The following SUMF1 variants were observed in gnomAD, a reference collection of about 807,000 sequenced individuals.
SUMF1 encodes sulfatase modifying factor 1.
A neutral mutation model predicts 47.6 loss-of-function variants in SUMF1; 48 were observed. That is an observed-to-expected ratio of 1.01 (90% confidence interval 0.80 to 1.28). The LOEUF (loss-of-function observed/expected upper bound fraction) is 1.28. Among genes scored for constraint, SUMF1 ranks in the 50% most tolerant of loss-of-function variants. The probability of loss-of-function intolerance (pLI) is 0.00; values close to 1 mark genes in which losing one functional copy is unlikely to be tolerated. For synonymous variants in SUMF1, 230 were observed against 192.1 expected, an observed-to-expected ratio of 1.20 and a Z score of -1.63; for missense variants, 571 against 485.4, an observed-to-expected ratio of 1.18 and a Z score of -1.66.
At chr3:4,404,713 G>T (rs548264894) in intron 7 of SUMF1, among the ~76,000 whole-genome samples, 1 of 152,184 alleles carries the variant, frequency 6.6e-6, no homozygotes, top group Non-Finnish European at 1.5e-5. Context: ...GCAGTGAGCT[G>T]AGATAGTGCC....
At chr3:4,131,641 G>A (rs1196231035) in intron 8 of SUMF1, among the ~76,000 whole-genome samples, 1 of 152,194 alleles carries the variant, frequency 6.6e-6, no homozygotes, top group South Asian at 2.1e-4. Context: ...TGGCTGGAAG[G>A]TCAGGGACTT....
intron 4 of SUMF1, among the ~76,000 whole-genome samples, chr3:4,419,522 T>G (rs1252340417): frequency 6.6e-6 from 1 of 152,182 alleles, no homozygotes. Flanking sequence ...TATTTTTGCT[T>G]GAGATAATTA....
At chr3:4,110,882 T>C (rs1418112734) in intron 8 of SUMF1, among the ~76,000 whole-genome samples, 1 of 148,056 alleles carries the variant, frequency 6.8e-6, no homozygotes. Flanking sequence ...CTAGGAGATA[T>C]ACCTAATGTT....
chr3:4,107,048 C>A (rs774008905), intron 8 of SUMF1, among the ~76,000 whole-genome samples: 1 of 152,032 alleles, frequency 6.6e-6, no homozygotes, highest in South Asian at 2.1e-4. Flanking sequence ...TGTTGTGTTA[C>A]CTCTTCAACT....
intron 8 of SUMF1, among the ~76,000 whole-genome samples, chr3:4,196,053 T>C (rs1241889435): frequency 1.3e-5 from 2 of 152,132 alleles, no homozygotes; most frequent in African/African-American, 2.4e-5. Flanking sequence ...GATTAAATGG[T>C]ATAGCATTAG....
intron 3 of SUMF1, among the ~76,000 whole-genome samples, chr3:4,435,707 G>T (rs975165494): frequency 2.0e-5 from 3 of 152,198 alleles, no homozygotes; most frequent in African/African-American, 7.2e-5. Context: ...CAGCAATCAT[G>T]TAGACCAGAA....
intron 8 of SUMF1, among the ~76,000 whole-genome samples, chr3:4,107,638 A>T (rs1408451793): frequency 6.6e-6 from 1 of 152,038 alleles, no homozygotes; most frequent in African/African-American, 2.4e-5. Flanking sequence ...CTCTAGTGGA[A>T]GAAATTATTC....
At chr3:4,385,341 T>A (rs955201754) in intron 7 of SUMF1, among the ~76,000 whole-genome samples, 1 of 152,228 alleles carries the variant, frequency 6.6e-6, no homozygotes, top group African/African-American at 2.4e-5. Context: ...TGTAGTTGTA[T>A]CTCCTTATGG....
At chr3:4,313,118 A>C (rs150691823) in intron 8 of SUMF1, 3 of 1,613,820 alleles carry the variant, frequency 1.9e-6, no homozygotes, top group Admixed American at 1.7e-5. Flanking sequence ...CGATGCAGTG[A>C]CCACTGCAGA....
chr3:4,251,575 C>G (rs529985385), intron 8 of SUMF1, among the ~76,000 whole-genome samples: 2 of 152,290 alleles, frequency 1.3e-5, no homozygotes, highest in South Asian at 4.1e-4. Context: ...ATGTGGCAAG[C>G]TTCATTGTTG....
chr3:4,129,329 T>G (rs898002739), intron 8 of SUMF1, among the ~76,000 whole-genome samples: 4 of 152,066 alleles, frequency 2.6e-5, no homozygotes, highest in African/African-American at 9.7e-5. Context: ...AAAGCAGCAA[T>G]CAGAATAATC....
intron 3 of SUMF1, among the ~76,000 whole-genome samples, chr3:4,422,868 G>C (rs904737079): frequency 6.6e-6 from 1 of 151,890 alleles, no homozygotes; most frequent in African/African-American, 2.4e-5. Context: ...AAGTGCTTTG[G>C]TGGTGATTTG....
At chr3:4,363,081 G>A (rs2633856) in intron 8 of SUMF1, among the ~76,000 whole-genome samples, 93,300 of 151,968 alleles carry the variant, frequency 0.61, 29,132 homozygotes, top group East Asian at 0.76. Flanking sequence ...TGAGTTTCAT[G>A]TTTCCTATAT....
intron 8 of SUMF1, among the ~76,000 whole-genome samples, chr3:4,246,555 C>T (rs1696675230): frequency 6.6e-6 from 1 of 152,092 alleles, no homozygotes; most frequent in African/African-American, 2.4e-5. Context: ...GCGCACGCCA[C>T]CATGCCCGGC....
chr3:4,195,846 C>T (rs184752795), intron 8 of SUMF1, among the ~76,000 whole-genome samples: 105 of 152,178 alleles, frequency 6.9e-4, no homozygotes, highest in African/African-American at 2.4e-3. Context: ...CTATAGCTTT[C>T]ATCTCCCATA....
At chr3:4,218,740 T>C (rs1695996742) in intron 8 of SUMF1, among the ~76,000 whole-genome samples, 1 of 152,118 alleles carries the variant, frequency 6.6e-6, no homozygotes, top group African/African-American at 2.4e-5. Flanking sequence ...ATGAGCATAG[T>C]TTCCAAATTG....
At chr3:4,056,974 C>T (rs1026480004) in intron 9 of SUMF1, among the ~76,000 whole-genome samples, 4 of 151,868 alleles carry the variant, frequency 2.6e-5, no homozygotes, top group African/African-American at 7.3e-5. Context: ...TCTCGATCTC[C>T]TGACCTCGTG....
intron 9 of SUMF1, among the ~76,000 whole-genome samples, chr3:4,062,394 T>C (rs1695292023): frequency 6.6e-6 from 1 of 152,134 alleles, no homozygotes; most frequent in Non-Finnish European, 1.5e-5. Context: ...TCACACCAGG[T>C]GTAACACAAG....
At chr3:4,277,267 A>G (rs1697439115) in intron 8 of SUMF1, among the ~76,000 whole-genome samples, 1 of 152,216 alleles carries the variant, frequency 6.6e-6, no homozygotes, top group South Asian at 2.1e-4. Context: ...ATTCAAATAA[A>G]GAATGAAGAC....
Sources: allele counts gnomAD v4.1 joint callset (sites outside exome capture counted in the v4.1 genomes callset), GRCh38; gene constraint gnomAD v4.1.1; transcripts MANE v1.5; gene names NCBI Gene and HGNC (gene_info 2026-07-23, HGNC 2026-07-21).